Variants in COL28A1 observed in about 807,000 individuals in gnomAD.
COL28A1 encodes the protein collagen type XXVIII alpha 1 chain, also known as collagen alpha-1(XXVIII) chain.
COL28A1 carries 161 observed loss-of-function variants against 150.2 expected under a neutral mutation model. The ratio of observed to expected loss-of-function variants is 1.07; its 90% CI spans 0.94 to 1.22. COL28A1 has a LOEUF of 1.22. Ranked by LOEUF, COL28A1 falls within the 50% of genes most tolerant of loss-of-function variation. The pLI is 0.00. For missense variants in COL28A1, 1,617 were observed against 1,388.3 expected, an observed-to-expected ratio of 1.16 and a Z score of -2.62; for synonymous variants, 552 against 469.7, an observed-to-expected ratio of 1.18 and a Z score of -2.26.
chr7:7,489,301 G>A (rs1349265578), intron 13 of COL28A1, 88 bp downstream of exon 13: 3 of 804,266 alleles, frequency 3.7e-6, no homozygotes, highest in East Asian at 2.4e-5. Context: ...ATACAAGGTG[G>A]ATTAATCTGA....
chr7:7,438,714 C>T (rs1392295298), intron 21 of COL28A1, among the ~76,000 whole-genome samples: 3 of 152,038 alleles, frequency 2.0e-5, no homozygotes, highest in South Asian at 4.2e-4. Flanking sequence ...ACAGAAATTA[C>T]AATTAAAAAA....
chr7:7,521,572 C>T (rs1383572436), intron 5 of COL28A1, among the ~76,000 whole-genome samples: 1 of 152,180 alleles, frequency 6.6e-6, no homozygotes, highest in Admixed American at 6.5e-5. Context: ...TTGCTTAAAG[C>T]ACTGATTATT....
downstream of COL28A1, among the ~76,000 whole-genome samples, chr7:7,354,184 G>T (rs955977598): frequency 6.6e-6 from 1 of 151,958 alleles, no homozygotes; most frequent in African/African-American, 2.4e-5. Context: ...TGTAGAGATG[G>T]AGTTTTCCCA....
intron 15 of COL28A1, among the ~76,000 whole-genome samples, chr7:7,473,758 T>G (rs1788630442): frequency 6.6e-6 from 1 of 152,052 alleles, no homozygotes; most frequent in Non-Finnish European, 1.5e-5. Context: ...GCAGCACAAT[T>G]TGCAAATGCA....
At chr7:7,414,749 C>T (rs141336712) in intron 27 of COL28A1, among the ~76,000 whole-genome samples, 2 of 152,308 alleles carry the variant, frequency 1.3e-5, no homozygotes, top group African/African-American at 4.8e-5. Context: ...CAGAGTGAGT[C>T]TCTTCCAAAC....
intron 4 of COL28A1, among the ~76,000 whole-genome samples, chr7:7,522,806 C>CCAAAAAAA (rs1460030225): frequency 6.4e-5 from 6 of 93,158 alleles, no homozygotes; most frequent in African/African-American, 3.0e-4. Context: ...AGCTGAAGAG[C>CCAAAAAAA]AAAAAAAAAA....
At chr7:7,515,518 T>C (rs1056761017) in intron 8 of COL28A1, among the ~76,000 whole-genome samples, 1 of 152,198 alleles carries the variant, frequency 6.6e-6, no homozygotes, top group Admixed American at 6.5e-5. Context: ...GTAAAGAAAC[T>C]TTTAGCCTGC....
At chr7:7,338,385 C>T in the COL28A1 span, among the ~76,000 whole-genome samples, 2 of 151,958 alleles carry the variant, frequency 1.3e-5, no homozygotes, top group East Asian at 1.9e-4. Context: ...ACTGTTTTGT[C>T]GTTCTCCTTG....
At chr7:7,520,919 C>T (rs1431828149) in intron 5 of COL28A1, among the ~76,000 whole-genome samples, 2 of 152,154 alleles carry the variant, frequency 1.3e-5, no homozygotes, top group African/African-American at 4.8e-5. Context: ...CTGGCTGCCC[C>T]ACTATCATAT....
the COL28A1 span, among the ~76,000 whole-genome samples, chr7:7,543,027 C>G: frequency 6.6e-6 from 1 of 152,104 alleles, no homozygotes; most frequent in African/African-American, 2.4e-5. Context: ...TACACATATA[C>G]ATACGTAAGT....
intron 25 of COL28A1, among the ~76,000 whole-genome samples, chr7:7,424,593 G>A (rs1436528317): frequency 1.3e-5 from 2 of 152,114 alleles, no homozygotes; most frequent in Non-Finnish European, 2.9e-5. Context: ...TGCAGAGGGA[G>A]CCCTTGTATT....
intron 11 of COL28A1, among the ~76,000 whole-genome samples, chr7:7,496,038 G>A (rs546170900): frequency 1.3e-5 from 2 of 152,066 alleles, no homozygotes; most frequent in South Asian, 4.2e-4. Context: ...TGTCTGTCTG[G>A]GATGCTCTTA....
the COL28A1 span, among the ~76,000 whole-genome samples, chr7:7,338,592 G>T: frequency 2.6e-5 from 4 of 152,100 alleles, no homozygotes; most frequent in Non-Finnish European, 4.4e-5. Flanking sequence ...GAGCCTTTTG[G>T]TGGAGTCTTT....
At chr7:7,387,816 T>G (rs909207166) in intron 27 of COL28A1, among the ~76,000 whole-genome samples, 27 of 152,180 alleles carry the variant, frequency 1.8e-4, no homozygotes, top group African/African-American at 6.5e-4. Context: ...CTGCAGCGGC[T>G]AAAGCATATG....
chr7:7,395,028 A>G (rs1194987573), intron 27 of COL28A1, among the ~76,000 whole-genome samples: 2 of 152,192 alleles, frequency 1.3e-5, no homozygotes, highest in Non-Finnish European at 1.5e-5. Context: ...ATGGTGGCTT[A>G]TGCCTGTAAT....
At chr7:7,443,324 TA>T (rs766901469) in intron 20 of COL28A1, among the ~76,000 whole-genome samples, 20 of 152,338 alleles carry the variant, frequency 1.3e-4, no homozygotes, top group Admixed American at 8.5e-4. Flanking sequence ...ATGTGTTTTT[TA>T]AATGTCAATC....
At chr7:7,501,173 G>A (rs1031667544) in intron 11 of COL28A1, among the ~76,000 whole-genome samples, 2 of 152,186 alleles carry the variant, frequency 1.3e-5, no homozygotes, top group East Asian at 3.9e-4. Context: ...TGACTGTACA[G>A]CAAGAAGAAA....
Position 7,429,191 on chromosome 7 carries a change from G to A in COL28A1, c.1998+3282C>T, listed in dbSNP as rs576156832. Among the ~76,000 whole-genome samples the A allele has an allele frequency of 3.3e-5, 5 of 152,190 alleles. No homozygotes were observed. In the South Asian group the frequency reaches 6.3e-4, roughly 19 times the overall value. ...AAAGCTTAAATGAAAAACATATCAG[G>A]ATCCATATGGCTCTACTACCACACA... is the stretch of plus-strand genomic sequence containing the variant. On this transcript the variant is annotated intron_variant, in intron 25 of 34. Coordinates refer to ENST00000399429, the MANE Select transcript of COL28A1 (RefSeq NM_001037763.3).
At chr7:7,462,510 T>C (rs1305932159) in intron 15 of COL28A1, among the ~76,000 whole-genome samples, 1 of 151,712 alleles carries the variant, frequency 6.6e-6, no homozygotes, top group African/African-American at 2.4e-5. Context: ...AAATATTCAA[T>C]GAAATAGATA....
Sources: allele counts gnomAD v4.1 joint callset (sites outside exome capture counted in the v4.1 genomes callset), GRCh38; gene constraint gnomAD v4.1.1; transcripts MANE v1.5; gene names NCBI Gene and HGNC (gene_info 2026-07-23, HGNC 2026-07-21).